ADSS2: variants seen among roughly 807,000 people sequenced by gnomAD.
ADSS2 encodes adenylosuccinate synthetase isozyme 2.
A neutral mutation model predicts 60.0 loss-of-function variants in ADSS2; 30 were observed. The ratio of observed to expected loss-of-function variants is 0.50; its 90% CI spans 0.37 to 0.68. ADSS2 has a LOEUF of 0.68. ADSS2 is among the 30% of genes least tolerant of loss of function. The probability of loss-of-function intolerance (pLI) is 0.00; values close to 1 mark genes in which losing one functional copy is unlikely to be tolerated. For synonymous variants in ADSS2, 187 were observed against 193.1 expected (o/e 0.97, Z 0.26); for missense variants, 373 against 554.8 (o/e 0.67, Z 3.29).
At chr1:244,442,952 A>G (rs1395223814) in intron 1 of ADSS2, among the ~76,000 whole-genome samples, 1 of 152,134 alleles carries the variant, frequency 6.6e-6, no homozygotes, top group African/African-American at 2.4e-5. Flanking sequence ...CCATAACCAA[A>G]AACAGTTTCA....
intron 1 of ADSS2, among the ~76,000 whole-genome samples, chr1:244,448,258 A>T (rs1346623405): frequency 6.6e-6 from 1 of 152,222 alleles, no homozygotes; most frequent in East Asian, 1.9e-4. Flanking sequence ...TTCTATTTCA[A>T]GGAGAAAGTT....
chr1:244,449,298 C>T (rs916508964), intron 1 of ADSS2, among the ~76,000 whole-genome samples: 4 of 152,114 alleles, frequency 2.6e-5, no homozygotes, highest in African/African-American at 7.2e-5. Context: ...TGGTGAAATA[C>T]GGATACATTA....
At chr1:244,445,892 T>C (rs1487283383) in intron 1 of ADSS2, among the ~76,000 whole-genome samples, 1 of 152,210 alleles carries the variant, frequency 6.6e-6, no homozygotes, top group African/African-American at 2.4e-5. Flanking sequence ...ACCAATTTCA[T>C]GCACAAAGCC....
At chr1:244,433,859 TAAAAA>T (rs35132231) in intron 3 of ADSS2, among the ~76,000 whole-genome samples, 1 of 94,958 alleles carries the variant, frequency 1.1e-5, no homozygotes, top group Non-Finnish European at 2.0e-5. Context: ...ACTCCATCTT[TAAAAA>T]AAAAAAAAAA....
At chr1:244,438,326 T>C (rs1434625296) in intron 1 of ADSS2, among the ~76,000 whole-genome samples, 3 of 152,222 alleles carry the variant, frequency 2.0e-5, no homozygotes, top group African/African-American at 7.2e-5. Context: ...ACCAGTCTTG[T>C]AGGTTTGGTT....
chr1:244,440,091 T>G lies in ADSS2; in HGVS notation c.184-2323A>C, dbSNP rs780418729. Among the ~76,000 whole-genome samples, 205 of 152,330 alleles carry G rather than the reference T, an allele frequency of 1.3e-3. 2 individuals are homozygous for G. Among genetic ancestry groups the G allele is most frequent in the Non-Finnish European group, 2.2e-3 (147 of 68,028 alleles). On this transcript the variant is annotated intron_variant, in intron 1 of 12. Transcript: ENST00000366535. ...CCCTCTTCCATGCCTCTTTCAGTGA[T>G]AGGAAGTTAAAGCCAGGTACTGTGA...
intron 1 of ADSS2, among the ~76,000 whole-genome samples, chr1:244,446,876 TC>T (rs1424817552): frequency 6.6e-6 from 1 of 152,134 alleles, no homozygotes; most frequent in East Asian, 1.9e-4. Context: ...ACTACAGATT[TC>T]AAGTCAAAAA....
At chr1:244,436,960 A>G (rs1665117649) in intron 2 of ADSS2, 67 bp from the exon 3 acceptor site, 2 of 1,342,718 alleles carry the variant, frequency 1.5e-6, no homozygotes, top group African/African-American at 1.5e-5. Context: ...CTTAAAGGAC[A>G]TTCTGATTTA....
At chr1:244,413,228 A>C (rs1664453710) in intron 11 of ADSS2, among the ~76,000 whole-genome samples, 1 of 152,158 alleles carries the variant, frequency 6.6e-6, no homozygotes, top group South Asian at 2.1e-4. Context: ...GATGATGAAA[A>C]CATACTGCTA....
rs374011195 is a variant in ADSS2 at position 244,424,338 on chromosome 1, T to C, written c.456A>G (p.Gln152=). The change falls in exon 5 of 13, where the codon CAA becomes CAG. Residue 152 remains glutamine, a synonymous_variant. Coordinates refer to ENST00000366535, the MANE Select transcript of ADSS2 (RefSeq NM_001126.5). The part of the protein sequence containing the change: ...AADGIQEQQR[Q]EQAGKNLGTT... ...ACACATACTTTTTTCCTGCTTGTTC[T>C]TGTCTCTGTTGTTCCTGGATACCAT... The C allele has an allele frequency of 3.1e-5, 50 of 1,613,268 alleles. No individual in the cohort carries two copies. The highest frequency in any genetic ancestry group is 6.7e-5 in the Admixed American group (4 of 59,958).
chr1:244,422,495 A>G (rs1416248387), intron 7 of ADSS2, among the ~76,000 whole-genome samples: 1 of 152,176 alleles, frequency 6.6e-6, no homozygotes, highest in Non-Finnish European at 1.5e-5. Context: ...CTGTCCTCCA[A>G]TTGTTAGAAG....
chr1:244,424,290 C>T (rs1376294060), intron 5 of ADSS2, 31 bp downstream of exon 5: 2 of 1,601,060 alleles, frequency 1.2e-6, no homozygotes, highest in Non-Finnish European at 1.7e-6. Context: ...TATGCTTAAA[C>T]TGTACCAAAA....
At position 244,451,892 on chromosome 1, in the gene ADSS2, C is replaced by A; in HGVS notation, c.-75G>T. 7.2e-7 allele frequency: 1 copy of A among 1,382,596 alleles called. No individual in the cohort carries two copies. Among genetic ancestry groups the A allele is most frequent in the South Asian group, 1.5e-5 (1 of 66,688 alleles). The allele number at this position is 1,382,596 out of a possible 1,614,324, so 85.6% of individuals were successfully genotyped here. Reference sequence around the variant, plus strand: ...TGAGCGAACTGAACTGCTCTGCGGCCGCCAGCCACATGCAGAGGAAGAAGG... The same window carrying A: ...TGAGCGAACTGAACTGCTCTGCGGCAGCCAGCCACATGCAGAGGAAGAAGG... On this transcript the variant is annotated 5_prime_UTR_variant, in exon 1 of 13. Coordinates refer to ENST00000366535, the MANE Select transcript of ADSS2 (RefSeq NM_001126.5). The surrounding 1 kb of genome is among the most constrained non-coding windows in gnomAD (Gnocchi z 6.6).
Position 244,411,282 on chromosome 1 carries a change from T to A in ADSS2, c.1318+5A>T, listed in dbSNP as rs1436590164. 3.1e-6 allele frequency: 5 copies of A among 1,602,766 alleles called. No homozygotes were observed. The highest frequency in any genetic ancestry group is 1.1e-5 in the South Asian group (1 of 88,060). ...AAAACTTATTCACAAAGTGTTTATG[T>A]TTACCTGGAATTTGAAGCTCATCTT... On this transcript the variant is annotated splice_donor_5th_base_variant and intron_variant, in intron 12 of 12. Transcript: ENST00000366535.
Position 244,417,544 on chromosome 1 carries a change from C to T in ADSS2, c.1070+84G>A, listed in dbSNP as rs550547032. ...ATGGAGTCTAAAGAGTGAAATTTTCCTATTAAGGTACTCCACAAAATTAAA... is the reference window on the plus strand; with the variant it reads ...ATGGAGTCTAAAGAGTGAAATTTTCTTATTAAGGTACTCCACAAAATTAAA... On this transcript the variant is annotated intron_variant, in intron 10 of 12. Coordinates refer to ENST00000366535, the MANE Select transcript of ADSS2 (RefSeq NM_001126.5). 2.7e-6 allele frequency: 4 copies of T among 1,498,144 alleles called. No homozygotes were observed. The South Asian group carries it at 4.9e-5, about 19-fold the overall frequency. The allele number at this position is 1,498,144 out of a possible 1,614,324, so 92.8% of individuals were successfully genotyped here.
intron 4 of ADSS2, among the ~76,000 whole-genome samples, chr1:244,428,626 A>C (rs1357565139): frequency 6.6e-6 from 1 of 151,990 alleles, no homozygotes; most frequent in Non-Finnish European, 1.5e-5. Flanking sequence ...GAAAGTAGAA[A>C]GAAGAGAAAG....
Position 244,423,961 on chromosome 1 carries a change from G to A in ADSS2, c.573C>T (p.Phe191=), listed in dbSNP as rs761553060. The A allele has an allele frequency of 4.3e-6, 7 of 1,609,478 alleles. No homozygotes were observed. Among genetic ancestry groups the A allele is most frequent in the Non-Finnish European group, 5.9e-6 (7 of 1,178,464 alleles). The part of the protein sequence containing the change: ...MCDLVSDFDG[F]SERFKVLANQ... Reference sequence around the variant, plus strand: ...AAACACAAGTTAGTTACCTCTCAGAGAAGCCATCAAAGTCAGAAACAAGGT... The same window carrying A: ...AAACACAAGTTAGTTACCTCTCAGAAAAGCCATCAAAGTCAGAAACAAGGT... Residue 191 remains phenylalanine (F), a synonymous_variant, in exon 6 of 13, where the codon TTC becomes TTT. Coordinates refer to ENST00000366535, the MANE Select transcript of ADSS2 (RefSeq NM_001126.5).
At chr1:244,413,536 G>C (rs1387435871) in intron 11 of ADSS2, among the ~76,000 whole-genome samples, 1 of 152,192 alleles carries the variant, frequency 6.6e-6, no homozygotes, top group African/African-American at 2.4e-5. Context: ...GGTGTCAGCA[G>C]AGAATGGCAG....
chr1:244,447,667 AAG>A (rs1285163896), intron 1 of ADSS2, among the ~76,000 whole-genome samples: 1 of 152,214 alleles, frequency 6.6e-6, no homozygotes, highest in Non-Finnish European at 1.5e-5. Context: ...AATATAAACA[AAG>A]ACTTTGAATG....
Sources: allele counts gnomAD v4.1 joint callset (sites outside exome capture counted in the v4.1 genomes callset), GRCh38; gene constraint gnomAD v4.1.1; non-coding constraint Gnocchi (gnomAD v3.1); transcripts MANE v1.5; gene names NCBI Gene and HGNC (gene_info 2026-07-23, HGNC 2026-07-21).